Variants in CFAP20DC observed in about 807,000 individuals in gnomAD.
CFAP20DC encodes CFAP20 domain containing, also known as protein CFAP20DC.
Under a neutral mutation model 101.7 loss-of-function variants are expected in CFAP20DC, and 84 were observed. That is an observed-to-expected ratio of 0.83 (90% CI 0.69 to 0.99). The LOEUF (loss-of-function observed/expected upper bound fraction) is 0.99. Ranked by LOEUF, CFAP20DC falls within the 50% of genes least tolerant of loss-of-function variation. The pLI is 0.00. For synonymous variants in CFAP20DC, 359 were observed against 351.2 expected, an observed-to-expected ratio of 1.02 and a Z score of -0.25; for missense variants, 1,007 against 970.3, an observed-to-expected ratio of 1.04 and a Z score of -0.50.
At position 58,831,829 on chromosome 3, in the gene CFAP20DC, C is replaced by G; in HGVS notation, c.2032G>C (p.Ala678Pro). 6.2e-7 allele frequency: 1 copy of G among 1,614,082 alleles called. No homozygotes were observed. The highest frequency in any genetic ancestry group is 8.5e-7 in the Non-Finnish European group (1 of 1,179,976). Residue 678 changes from alanine (A) to proline (P), a missense_variant, in exon 14 of 17, where the codon GCA becomes CCA. Coordinates refer to ENST00000482387, the MANE Select transcript of CFAP20DC (RefSeq NM_001394063.1). ...QMSESELQML[A>P]SLRWQQNEEL... is the part of the protein sequence containing the mutation. ...TCATTTTGTTGCCACCGTAGGCTTG[C>G]TAGCATCTGTAACTCGGATTCACTC... is the stretch of plus-strand genomic sequence containing the variant.
At chr3:58,984,140 T>C (rs945847998) in intron 4 of CFAP20DC, among the ~76,000 whole-genome samples, 3 of 152,168 alleles carry the variant, frequency 2.0e-5, no homozygotes, top group Admixed American at 6.5e-5. Context: ...GCAGGACAAG[T>C]TGGTGATAGC....
intron 14 of CFAP20DC, among the ~76,000 whole-genome samples, chr3:58,809,523 T>C (rs911807161): frequency 4.0e-5 from 6 of 151,816 alleles, no homozygotes; most frequent in East Asian, 1.9e-4. Flanking sequence ...AGACATAACA[T>C]ACCAGAATCT....
intron 3 of CFAP20DC, 27 bp from the exon 4 acceptor site, chr3:59,039,656 A>T: frequency 7.2e-7 from 1 of 1,386,336 alleles, no homozygotes; most frequent in Non-Finnish European, 9.8e-7. Flanking sequence ...ATACACATTC[A>T]AATGTTCGAA....
At chr3:58,765,490 C>CAAAAAAAAAAAAAAAAAAAAAAAAAAAGA (rs1337049385) in intron 15 of CFAP20DC, among the ~76,000 whole-genome samples, 1 of 81,828 alleles carries the variant, frequency 1.2e-5, no homozygotes, top group Non-Finnish European at 2.5e-5. Flanking sequence ...AAAAAAAAAC[C>CAAAAAAAAAAAAAAAAAAAAAAAAAAAGA]AAAAAAAAAA....
chr3:58,844,332 G>C (rs1302918719), intron 13 of CFAP20DC, among the ~76,000 whole-genome samples: 4 of 142,912 alleles, frequency 2.8e-5, no homozygotes, highest in Non-Finnish European at 4.5e-5. Flanking sequence ...CCAAGCAAAT[G>C]GAAAACAAAA....
intron 4 of CFAP20DC, among the ~76,000 whole-genome samples, chr3:59,022,485 T>C (rs2093820549): frequency 6.6e-6 from 1 of 152,136 alleles, no homozygotes; most frequent in African/African-American, 2.4e-5. Context: ...TTCAAATCCT[T>C]GCTTGTAGCA....
At chr3:58,976,698 A>G (rs1462049921) in intron 4 of CFAP20DC, among the ~76,000 whole-genome samples, 1 of 152,104 alleles carries the variant, frequency 6.6e-6, no homozygotes, top group East Asian at 1.9e-4. Flanking sequence ...GTCTGTGTGG[A>G]GTCCATACAT....
chr3:58,926,397 G>T (rs2085977133), intron 5 of CFAP20DC, among the ~76,000 whole-genome samples: 1 of 151,518 alleles, frequency 6.6e-6, no homozygotes, highest in African/African-American at 2.4e-5. Flanking sequence ...AAGAAAAAAA[G>T]AAAAAATAAT....
chr3:58,870,919 A>G (rs968413834), intron 7 of CFAP20DC, among the ~76,000 whole-genome samples: 4 of 150,286 alleles, frequency 2.7e-5, no homozygotes, highest in East Asian at 1.9e-4. Flanking sequence ...AAAAAAAAAA[A>G]AAAAAGAAAA....
chr3:58,823,146 A>G (rs1427242542), intron 14 of CFAP20DC, among the ~76,000 whole-genome samples: 2 of 152,092 alleles, frequency 1.3e-5, no homozygotes, highest in Non-Finnish European at 2.9e-5. Flanking sequence ...CTCCTGTATC[A>G]TGGAAAACTT....
intron 6 of CFAP20DC, among the ~76,000 whole-genome samples, chr3:58,904,088 T>C (rs181478559): frequency 1.8e-4 from 28 of 152,278 alleles, no homozygotes; most frequent in Non-Finnish European, 1.9e-4. Context: ...ATCTCAACAA[T>C]ATTAAATCTT....
In CFAP20DC at chr3:59,014,359, G is replaced by T. The variant is rs1305673655; in HGVS notation, c.278+25198C>A. Among the ~76,000 whole-genome samples, 1 of 152,142 alleles carries T rather than the reference G, an allele frequency of 6.6e-6. No individual in the cohort carries two copies. The highest frequency in any genetic ancestry group is 1.5e-5 in the Non-Finnish European group (1 of 68,018). On this transcript the variant is annotated intron_variant, in intron 4 of 16. Coordinates refer to ENST00000482387, the MANE Select transcript of CFAP20DC (RefSeq NM_001394063.1). The surrounding 1 kb of genome is among the most constrained non-coding windows in gnomAD (Gnocchi z 4.9). ...AAAATAATAAAAATCCACCAGAGAT[G>T]ATGTAGAATGCAAATAAAAAAGATA...
At chr3:58,916,398 C>T (rs766913339) in intron 5 of CFAP20DC, among the ~76,000 whole-genome samples, 1 of 152,122 alleles carries the variant, frequency 6.6e-6, no homozygotes. Context: ...GAAACCAGAT[C>T]CTTACCCACT....
At chr3:58,934,740 T>C (rs2087273609) in intron 5 of CFAP20DC, among the ~76,000 whole-genome samples, 1 of 152,172 alleles carries the variant, frequency 6.6e-6, no homozygotes, top group East Asian at 1.9e-4. Flanking sequence ...TGCTAAAAAC[T>C]CTCAATAAAT....
At chr3:58,769,858 C>A (rs548212581) in intron 15 of CFAP20DC, among the ~76,000 whole-genome samples, 7 of 152,140 alleles carry the variant, frequency 4.6e-5, no homozygotes, top group Non-Finnish European at 8.8e-5. Context: ...AACACTCATA[C>A]AAATGGGAAA....
In CFAP20DC at chr3:58,912,516, C is replaced by A; in HGVS notation, c.550+1192G>T. 3.1e-6 allele frequency: 1 copy of A among 327,426 alleles called. No homozygotes were observed. Among genetic ancestry groups the A allele is most frequent in the Non-Finnish European group, 6.0e-6 (1 of 167,162 alleles). 20.3% of individuals were successfully genotyped at this position (327,426 alleles called of 1,614,324 possible). ...ACATCAAGATTTCTCAGGCACACAC[C>A]CAGATGGAGCACAAATCTGAAGTCT... On this transcript the variant is annotated intron_variant, in intron 6 of 16. Transcript: ENST00000482387. This position sits in a 1 kb window ranked among gnomAD's most constrained non-coding sequence, Gnocchi z 4.4.
chr3:58,886,882 G>T (rs977605165), intron 6 of CFAP20DC, among the ~76,000 whole-genome samples: 3 of 152,040 alleles, frequency 2.0e-5, no homozygotes, highest in African/African-American at 7.2e-5. Flanking sequence ...TCTGTTTTTA[G>T]AATGTAGTGG....
intron 1 of CFAP20DC, among the ~76,000 whole-genome samples, chr3:59,048,596 C>T (rs903199990): frequency 1.3e-5 from 2 of 152,064 alleles, no homozygotes; most frequent in Admixed American, 6.6e-5. Flanking sequence ...AGAAGTGAGA[C>T]AAACTCTCTA....
At chr3:58,838,204 G>A (rs1020332546) in intron 13 of CFAP20DC, among the ~76,000 whole-genome samples, 2 of 152,056 alleles carry the variant, frequency 1.3e-5, no homozygotes, top group South Asian at 4.1e-4. Context: ...ACCAAGCCAC[G>A]GCACAACTTG....
Sources: allele counts gnomAD v4.1 joint callset (sites outside exome capture counted in the v4.1 genomes callset), GRCh38; gene constraint gnomAD v4.1.1; non-coding constraint Gnocchi (gnomAD v3.1); transcripts MANE v1.5; gene names NCBI Gene and HGNC (gene_info 2026-07-23, HGNC 2026-07-21).